Variants in APH1A observed in about 807,000 individuals in gnomAD.
APH1A encodes gamma-secretase subunit APH-1A.
APH1A carries 16 observed loss-of-function variants against 30.3 expected under a neutral mutation model. The ratio of observed to expected loss-of-function variants is 0.53; its 90% confidence interval spans 0.36 to 0.80. APH1A has a LOEUF of 0.80. Among genes scored for constraint, APH1A ranks in the 30% least tolerant of loss-of-function variants. The pLI is 0.01. For missense variants in APH1A, 245 were observed against 337.8 expected, an observed-to-expected ratio of 0.73 and a Z score of 2.15; for synonymous variants, 144 against 140.1, an observed-to-expected ratio of 1.03 and a Z score of -0.20.
chr1:150,266,265 CACA>C (rs1219766949), intron 6 of APH1A, 71 bp from the exon 7 acceptor site: 1 of 1,546,882 alleles, frequency 6.5e-7, no homozygotes, highest in Non-Finnish European at 8.7e-7. Flanking sequence ...GAGTCCTGGA[CACA>C]ACAAGGGGGT....
At position 150,266,112 on chromosome 1, in the gene APH1A, G is replaced by A. The variant is rs1553849734; in HGVS notation, c.*18C>T. 6.3e-7 allele frequency: 1 copy of A among 1,581,788 alleles called. No homozygotes were observed. ...ATCAGGAGGGCACCCCAGGCCCAGG[G>A]GTCCCCCCTAGGTTCCCTCAGTCCT... On this transcript the variant is annotated 3_prime_UTR_variant, in exon 7 of 7. Transcript: ENST00000369109.
In APH1A at chr1:150,266,533, A is replaced by G. The variant is rs587600141; in HGVS notation, c.733T>C (p.Cys245Arg). 6.2e-7 allele frequency: 1 copy of G among 1,614,126 alleles called. No individual in the cohort carries two copies. The highest frequency in any genetic ancestry group is 8.5e-7 in the Non-Finnish European group (1 of 1,180,010). Reference sequence around the variant, plus strand: ...ATCAGTCCAGGTAGTCAGTCCTTACACAAGAGGCTGCGCTGAATACTTCGG... The same window carrying G: ...ATCAGTCCAGGTAGTCAGTCCTTACGCAAGAGGCTGCGCTGAATACTTCGG... Reference protein sequence around the residue: ...SLRSIQRSLLCRRQEDSRVMV... With the variant: ...SLRSIQRSLLRRRQEDSRVMV... The change falls in exon 6 of 7, where the codon TGC becomes CGC. Residue 245 changes from cysteine (C) to arginine (R), a missense_variant and splice_region_variant. Transcript: ENST00000369109.
Position 150,268,918 on chromosome 1 carries a change from C to T in APH1A, c.-108G>A, listed in dbSNP as rs201145618. ...GGTGGCAACGCGACCCCACGAGGGG[C>T]GCGGTGCAATGTCACCCCCAGACCC... On this transcript the variant is annotated 5_prime_UTR_variant, in exon 1 of 7. Transcript: ENST00000369109. The T allele has an allele frequency of 1.1e-6, 1 of 952,332 alleles. No individual in the cohort carries two copies. Among genetic ancestry groups the T allele is most frequent in the Non-Finnish European group, 1.6e-6 (1 of 625,916 alleles). The allele number at this position is 952,332 out of a possible 1,614,324, so 59.0% of individuals were successfully genotyped here.
chr1:150,268,766 G>A lies in APH1A; in HGVS notation c.45C>T (p.Gly15=), dbSNP rs1651974997. Residue 15 remains glycine, a synonymous_variant, in exon 1 of 7, where the codon GGC becomes GGT. Transcript: ENST00000369109. ...TGATCAAGAAAAGCGCGAAGGCCGGGCCGAACGCGACGAAAGTGCAGCCGA... is the reference window on the plus strand; with the variant it reads ...TGATCAAGAAAAGCGCGAAGGCCGGACCGAACGCGACGAAAGTGCAGCCGA... ...VFFGCTFVAF[G]PAFALFLITV... 1 of 1,613,868 alleles carries A rather than the reference G, an allele frequency of 6.2e-7. No individual in the cohort carries two copies. Among genetic ancestry groups the A allele is most frequent in the African/African-American group, 1.3e-5 (1 of 75,060 alleles).
At chr1:150,266,286 T>G (rs200103315) in intron 6 of APH1A, 92 bp from the exon 7 acceptor site, 101 of 1,520,748 alleles carry the variant, frequency 6.6e-5, no homozygotes, top group Non-Finnish European at 8.7e-5. Context: ...GGTCCCCAGG[T>G]GGTGGGGATA....
chr1:150,268,319 G>T, intron 1 of APH1A, 192 bp from the exon 2 acceptor site: 1 of 671,144 alleles, frequency 1.5e-6, no homozygotes, highest in Non-Finnish European at 2.5e-6. Context: ...GGAAAGGGGA[G>T]AAATCTAATT....
intron 1 of APH1A, 76 bp downstream of exon 1, chr1:150,268,622 C>G: frequency 1.4e-6 from 2 of 1,433,748 alleles, no homozygotes; most frequent in Non-Finnish European, 1.9e-6. Flanking sequence ...GGCTCCCAGG[C>G]TTGCCCCAGT....
In APH1A at chr1:150,268,865, G is replaced by C; in HGVS notation, c.-55C>G. ...CCTGACCAGGACAGGCAAATGGGAG[G>C]GGCGCGCCAGCTGGGGAGTCCGCGT... On this transcript the variant is annotated 5_prime_UTR_variant, in exon 1 of 7. Coordinates refer to ENST00000369109, the MANE Select transcript of APH1A (RefSeq NM_001077628.3). 1 of 1,512,450 alleles carries C rather than the reference G, an allele frequency of 6.6e-7. No individual in the cohort carries two copies. The highest frequency in any genetic ancestry group is 1.2e-5 in the South Asian group (1 of 84,862). The allele number at this position is 1,512,450 out of a possible 1,614,324, so 93.7% of individuals were successfully genotyped here. A position where few individuals can be genotyped will look rare whatever the true frequency, so the allele number is the denominator to read the frequency against.
Position 150,268,928 on chromosome 1 carries a change from T to G in APH1A, c.-118A>C. 1.2e-6 allele frequency: 1 copy of G among 823,086 alleles called. No individual in the cohort carries two copies. The highest frequency in any genetic ancestry group is 1.9e-6 in the Non-Finnish European group (1 of 517,208). The allele number at this position is 823,086 out of a possible 1,614,324, so 51.0% of individuals were successfully genotyped here. ...CGACCCCACGAGGGGCGCGGTGCAA[T>G]GTCACCCCCAGACCCCGGGGAAGGG... On this transcript the variant is annotated 5_prime_UTR_variant, in exon 1 of 7. Transcript: ENST00000369109.
In APH1A at chr1:150,268,979, T is replaced by A; in HGVS notation, c.-169A>T. The stretch of plus-strand genomic sequence containing the variant: ...GAAGGGGGGGAACCGAAACCCCAAA[T>A]GAAGGTCCGCGCCACTTCCTCTACG... On this transcript the variant is annotated 5_prime_UTR_variant, in exon 1 of 7. Coordinates refer to ENST00000369109, the MANE Select transcript of APH1A (RefSeq NM_001077628.3). The A allele has an allele frequency of 3.4e-6, 2 of 581,376 alleles. No individual in the cohort carries two copies. Among genetic ancestry groups the A allele is most frequent in the East Asian group, 5.9e-5 (2 of 34,018 alleles). The allele number at this position is 581,376 out of a possible 1,614,324, so 36.0% of individuals were successfully genotyped here.
chr1:150,268,324 C>A (rs180846860), intron 1 of APH1A, 197 bp from the exon 2 acceptor site: 114 of 664,366 alleles, frequency 1.7e-4, no homozygotes, highest in Non-Finnish European at 2.7e-4. Flanking sequence ...GGGGAGAAAT[C>A]TAATTAAAGA....
rs782167044 is a variant in APH1A, at chr1:150,266,627, G to T, written c.639C>A (p.Ser213Arg). Reference protein sequence around the residue: ...LTFLNPWYEASLLPIYAVTVS... With the variant: ...LTFLNPWYEARLLPIYAVTVS... ...CAGTGACTGCATAGATGGGCAGCAG[G>T]CTGGCCTCATACCAGGGGTTCAGGA... Residue 213 changes from serine (S) to arginine (R), a missense_variant, in exon 6 of 7, where the codon AGC becomes AGA. Coordinates refer to ENST00000369109, the MANE Select transcript of APH1A (RefSeq NM_001077628.3). The T allele has an allele frequency of 6.2e-7, 1 of 1,614,092 alleles. No individual in the cohort carries two copies. The highest frequency in any genetic ancestry group is 1.1e-5 in the South Asian group (1 of 91,074).
chr1:150,266,506 C>T (rs1651731067), intron 6 of APH1A, 27 bp downstream of exon 6: 7 of 1,613,060 alleles, frequency 4.3e-6, no homozygotes, highest in Admixed American at 1.7e-5. Flanking sequence ...ATCTGTCAGG[C>T]GATCAGTCCA....
Position 150,266,017 on chromosome 1 carries a change from TA to T in APH1A, c.*112del. The T allele has an allele frequency of 1.5e-6, 2 of 1,305,208 alleles. No individual in the cohort carries two copies. The highest frequency in any genetic ancestry group is 2.1e-6 in the Non-Finnish European group (2 of 957,972). 80.9% of individuals were successfully genotyped at this position (1,305,208 alleles called of 1,614,324 possible). A position where few individuals can be genotyped will look rare whatever the true frequency, so the allele number is the denominator to read the frequency against. On this transcript the variant is annotated 3_prime_UTR_variant, in exon 7 of 7. Transcript: ENST00000369109. ...TTAATTTCATCTCCAGGGCAATGGC[TA>T]AACTAGGTCCCTTTTCTTGGCAACC... is the stretch of plus-strand genomic sequence containing the variant.
chr1:150,268,712 G>A lies in APH1A; in HGVS notation c.99C>T (p.Ile33=), dbSNP rs782727865. The change falls in exon 1 of 7, where the codon ATC becomes ATT. Residue 33 remains isoleucine (I), a synonymous_variant. Transcript: ENST00000369109. The stretch of plus-strand genomic sequence containing the variant: ...CCTCTACTCACCCTGCGACCAGGAT[G>A]ATAACGCGAAGCGGGTCCCCAGCCA... ...ITVAGDPLRV[I]ILVAGAFFWL... 5.0e-6 allele frequency: 8 copies of A among 1,612,624 alleles called. No individual in the cohort carries two copies. Among genetic ancestry groups the A allele is most frequent in the African/African-American group, 1.3e-5 (1 of 75,030 alleles).
rs782742641 is a variant in APH1A, at chr1:150,267,339, T to G, written c.481+17A>C. On this transcript the variant is annotated intron_variant, in intron 4 of 6. Transcript: ENST00000369109. Reference sequence around the variant, plus strand: ...GGATGGATGGGGGGTAAAGGCTAGATAGAAGGTGGATCTTACCTGAAGTCA... The same window carrying G: ...GGATGGATGGGGGGTAAAGGCTAGAGAGAAGGTGGATCTTACCTGAAGTCA... The G allele has an allele frequency of 6.2e-7, 1 of 1,613,980 alleles. No homozygotes were observed. The highest frequency in any genetic ancestry group is 8.5e-7 in the Non-Finnish European group (1 of 1,179,966).
intron 1 of APH1A, 99 bp downstream of exon 1, chr1:150,268,583 TTCACCTCCGACTTATC>T: frequency 9.2e-7 from 1 of 1,082,890 alleles, no homozygotes; most frequent in Non-Finnish European, 1.3e-6. Flanking sequence ...CCGCCCAAAC[TTCACCTCCGACTTATC>T]GTCCCCAATT....
chr1:150,268,569 A>G, intron 1 of APH1A, 129 bp downstream of exon 1: 1 of 902,248 alleles, frequency 1.1e-6, no homozygotes, highest in Non-Finnish European at 1.7e-6. Context: ...CCAACCCCTC[A>G]CCTCCGCCCA....
At chr1:150,268,270 C>T in intron 1 of APH1A, 143 bp from the exon 2 acceptor site, 1 of 915,132 alleles carries the variant, frequency 1.1e-6, no homozygotes. Flanking sequence ...GGGTAACTGT[C>T]TCCACCAAGA....
Sources: allele counts gnomAD v4.1 joint callset, GRCh38; gene constraint gnomAD v4.1.1; transcripts MANE v1.5; gene names NCBI Gene and HGNC (gene_info 2026-07-23, HGNC 2026-07-21).